The following DPY19L3 variants were observed in gnomAD, a reference collection of about 807,000 sequenced individuals.
DPY19L3 encodes the protein protein C-mannosyl-transferase DPY19L3.
A neutral mutation model predicts 92.3 loss-of-function variants in DPY19L3; 51 were observed. The ratio of observed to expected loss-of-function variants is 0.55; its 90% confidence interval spans 0.44 to 0.70. DPY19L3 has a LOEUF of 0.70. Ranked by LOEUF, DPY19L3 falls within the 30% of genes least tolerant of loss-of-function variation. DPY19L3 has a pLI of 0.00. For missense variants in DPY19L3, 706 were observed against 855.9 expected, an observed-to-expected ratio of 0.82 and a Z score of 2.18; for synonymous variants, 309 against 315.2, an observed-to-expected ratio of 0.98 and a Z score of 0.21.
At chr19:32,451,975 C>T (rs1259198752) in intron 8 of DPY19L3, among the ~76,000 whole-genome samples, 1 of 152,114 alleles carries the variant, frequency 6.6e-6, no homozygotes, top group Non-Finnish European at 1.5e-5. Context: ...GCTGGGACTA[C>T]TTGCACCACT....
intron 6 of DPY19L3, among the ~76,000 whole-genome samples, chr19:32,438,134 A>G (rs17692175): frequency 0.032 from 4,805 of 152,328 alleles, 96 homozygotes; most frequent in Middle Eastern, 0.086. Flanking sequence ...AAAAAAATGT[A>G]TTCAAGATCA....
chr19:32,408,148 AGCATGGATGAGCACGGG>A (rs2145380512), intron 1 of DPY19L3, 52 bp from the exon 2 acceptor site: 1 of 761,602 alleles, frequency 1.3e-6, no homozygotes, highest in African/African-American at 1.8e-5. Flanking sequence ...AAGGCATTTC[AGCATGGATGAGCACGGG>A]GTGTGTTGGG....
chr19:32,411,639 C>T, intron 3 of DPY19L3: 1 of 415,550 alleles, frequency 2.4e-6, no homozygotes, highest in Non-Finnish European at 4.2e-6. Context: ...GCAATCTTGG[C>T]TCACTACAAC....
At chr19:32,423,665 A>G (rs1432055933) in intron 3 of DPY19L3, among the ~76,000 whole-genome samples, 1 of 152,132 alleles carries the variant, frequency 6.6e-6, no homozygotes, top group Non-Finnish European at 1.5e-5. Flanking sequence ...ATAATAACAT[A>G]ACAGTGTAAT....
intron 9 of DPY19L3, 112 bp downstream of exon 9, chr19:32,453,388 T>G (rs1969768807): frequency 1.8e-6 from 2 of 1,103,792 alleles, no homozygotes; most frequent in Non-Finnish European, 2.5e-6. Context: ...TGATTTGCAC[T>G]AAAAAGAGCA....
At chr19:32,476,418 C>T (rs1970510733) in intron 16 of DPY19L3, among the ~76,000 whole-genome samples, 1 of 151,382 alleles carries the variant, frequency 6.6e-6, no homozygotes, top group Non-Finnish European at 1.5e-5. Context: ...GCAGTGTCCT[C>T]AGTGGGCCTC....
intron 16 of DPY19L3, among the ~76,000 whole-genome samples, chr19:32,473,364 A>G (rs1359696921): frequency 4.6e-5 from 7 of 152,226 alleles, no homozygotes; most frequent in Admixed American, 2.0e-4. Flanking sequence ...TTGTTTTTCT[A>G]TAATAGAGAA....
chr19:32,411,765 A>G (rs2145397276), intron 3 of DPY19L3: 2 of 203,878 alleles, frequency 9.8e-6, no homozygotes, highest in South Asian at 1.7e-4. Context: ...ACGGGGTTTC[A>G]GCATATTGAC....
intron 8 of DPY19L3, 63 bp from the exon 9 acceptor site, chr19:32,453,082 A>T: frequency 1.3e-6 from 2 of 1,586,058 alleles, no homozygotes; most frequent in Admixed American, 1.8e-5. Context: ...CATGACCAAC[A>T]TGTCGACATG....
chr19:32,437,775 TG>T (rs1198940772), intron 6 of DPY19L3, among the ~76,000 whole-genome samples: 1 of 120,982 alleles, frequency 8.3e-6, no homozygotes, highest in Non-Finnish European at 2.1e-5. Flanking sequence ...AAAAGTTTTT[TG>T]GGTTTTTTTC....
intron 16 of DPY19L3, among the ~76,000 whole-genome samples, chr19:32,473,936 G>A (rs1250422520): frequency 1.3e-5 from 2 of 152,070 alleles, no homozygotes; most frequent in Non-Finnish European, 2.9e-5. Context: ...CCCAGGTAGT[G>A]GGACTACAGG....
At position 32,462,136 on chromosome 19, in the gene DPY19L3, C is replaced by T. The variant is rs565661195; in HGVS notation, c.1323-1230C>T. On this transcript the variant is annotated intron_variant, in intron 12 of 18. Coordinates refer to ENST00000392250, the MANE Select transcript of DPY19L3 (RefSeq NM_001172774.2). ...ACATGCCAGCATCACTTCTCTTGCA[C>T]TTTGGGGCCTTAGTTATGTAAGATA... 9.9e-5 allele frequency among the ~76,000 whole-genome samples: 15 copies of T among 152,220 alleles called. No homozygotes were observed. The South Asian group carries it at 2.9e-3, about 29-fold the overall frequency.
At chr19:32,441,002 T>C (rs1277290248) in intron 8 of DPY19L3, among the ~76,000 whole-genome samples, 1 of 152,146 alleles carries the variant, frequency 6.6e-6, no homozygotes. Context: ...TATATGTATA[T>C]GAAATGTTTA....
intron 4 of DPY19L3, among the ~76,000 whole-genome samples, chr19:32,435,561 C>T (rs1295702082): frequency 6.6e-6 from 1 of 152,144 alleles, no homozygotes; most frequent in Non-Finnish European, 1.5e-5. Flanking sequence ...AGAGATGACA[C>T]CATTTTGTAT....
At chr19:32,469,013 C>A (rs1970275926) in intron 16 of DPY19L3, 200 bp downstream of exon 16, 1 of 393,848 alleles carries the variant, frequency 2.5e-6, no homozygotes, top group Non-Finnish European at 4.2e-6. Flanking sequence ...AGCTATATCT[C>A]ATGAAGAAAG....
At chr19:32,448,830 A>T (rs191529866) in intron 8 of DPY19L3, among the ~76,000 whole-genome samples, 1 of 152,238 alleles carries the variant, frequency 6.6e-6, no homozygotes, top group East Asian at 1.9e-4. Context: ...TAGAACTGGG[A>T]AAGAATATCC....
At chr19:32,453,096 TG>T in intron 8 of DPY19L3, 48 bp from the exon 9 acceptor site, 1 of 1,606,868 alleles carries the variant, frequency 6.2e-7, no homozygotes, top group South Asian at 1.1e-5. Flanking sequence ...CGACATGTGA[TG>T]ATCTCTTGGT....
At chr19:32,445,324 C>G (rs1189470121) in intron 8 of DPY19L3, among the ~76,000 whole-genome samples, 1 of 149,694 alleles carries the variant, frequency 6.7e-6, no homozygotes, top group Non-Finnish European at 1.5e-5. Flanking sequence ...GCTTGTAGTC[C>G]CAGCTACTTG....
At chr19:32,467,420 T>C (rs999697987) in intron 15 of DPY19L3, 10 of 986,070 alleles carry the variant, frequency 1.0e-5, no homozygotes, top group Non-Finnish European at 9.7e-6. Flanking sequence ...CATTGAAATA[T>C]TACAAAGGCA....
Sources: gnomAD v4.1 joint callset for allele counts (sites outside exome capture counted in the v4.1 genomes callset) on GRCh38, gnomAD v4.1.1 for gene constraint, MANE v1.5 for transcripts, NCBI Gene and HGNC (gene_info 2026-07-23, HGNC 2026-07-21) for gene names.